Variants in OSBPL9 observed in about 807,000 individuals in gnomAD.
The protein encoded by OSBPL9 is oxysterol-binding protein-related protein 9.
In OSBPL9, 40 loss-of-function variants were observed where a neutral mutation model predicts 106.6. The ratio of observed to expected loss-of-function variants is 0.38; its 90% CI spans 0.29 to 0.49. OSBPL9 has a LOEUF of 0.49. Among genes scored for constraint, OSBPL9 ranks in the 20% least tolerant of loss-of-function variants. The pLI, the probability that OSBPL9 is intolerant of heterozygous loss-of-function variation, is 0.97. For synonymous variants in OSBPL9, 269 were observed against 295.4 expected (o/e 0.91, Z 0.92); for missense variants, 609 against 887.2 (o/e 0.69, Z 3.98).
At chr1:51,650,564 A>G (rs995707928) in intron 1 of OSBPL9, among the ~76,000 whole-genome samples, 1 of 152,200 alleles carries the variant, frequency 6.6e-6, no homozygotes, top group Non-Finnish European at 1.5e-5. Flanking sequence ...CCTGATATTT[A>G]TAGTTAGAAC....
chr1:51,752,139 C>G (rs1004473740), intron 8 of OSBPL9, among the ~76,000 whole-genome samples: 3 of 152,096 alleles, frequency 2.0e-5, no homozygotes, highest in Non-Finnish European at 4.4e-5. Context: ...AAACTACTTA[C>G]GTTCACTGCC....
chr1:51,728,415 G>A (rs933324608), intron 4 of OSBPL9, among the ~76,000 whole-genome samples: 3 of 152,172 alleles, frequency 2.0e-5, no homozygotes, highest in Non-Finnish European at 4.4e-5. Context: ...AATGGAGAGT[G>A]TATTTAGGAG....
chr1:51,625,392 G>A (rs1443241225), intron 1 of OSBPL9, among the ~76,000 whole-genome samples: 2 of 152,152 alleles, frequency 1.3e-5, no homozygotes, highest in Non-Finnish European at 2.9e-5. Flanking sequence ...ATCAAAACTA[G>A]AACAGTGTAC....
intron 3 of OSBPL9, among the ~76,000 whole-genome samples, chr1:51,687,741 C>T (rs1458095561): frequency 2.0e-5 from 3 of 152,202 alleles, no homozygotes; most frequent in African/African-American, 7.2e-5. Flanking sequence ...TTGAGTTGAG[C>T]TGGAACTAGA....
At position 51,716,120 on chromosome 1, in the gene OSBPL9, T is replaced by C. The variant is rs142203056; in HGVS notation, c.318+2041T>C. 2.6e-3 allele frequency among the ~76,000 whole-genome samples: 400 copies of C among 152,388 alleles called. 1 individual carries two copies. The highest frequency in any genetic ancestry group is 3.0e-3 in the Non-Finnish European group (207 of 68,042). On this transcript the variant is annotated intron_variant, in intron 4 of 23. Transcript: ENST00000428468. ...GGAATAATGGGCAGAAAAAGATAACTTTGAGAAGTCTTAGACTTCTAATAG... is the reference window on the plus strand; with the variant it reads ...GGAATAATGGGCAGAAAAAGATAACCTTGAGAAGTCTTAGACTTCTAATAG...
At chr1:51,646,044 AGT>A (rs1646133403) in intron 1 of OSBPL9, among the ~76,000 whole-genome samples, 1 of 152,218 alleles carries the variant, frequency 6.6e-6, no homozygotes, top group South Asian at 2.1e-4. Context: ...GGAATTGAGA[AGT>A]GTGAGTCCTC....
chr1:51,668,464 A>G (rs1304451560), intron 2 of OSBPL9, among the ~76,000 whole-genome samples: 1 of 152,038 alleles, frequency 6.6e-6, no homozygotes, highest in African/African-American at 2.4e-5. Context: ...TGTACTAAAA[A>G]TACAAAAGTT....
the OSBPL9 span, among the ~76,000 whole-genome samples, chr1:51,518,857 G>A: frequency 1.3e-5 from 2 of 151,796 alleles, no homozygotes; most frequent in Admixed American, 6.6e-5. Flanking sequence ...GAAACTTCCT[G>A]GGTAGGTGAA....
At chr1:51,629,134 T>C (rs1644951659) in intron 1 of OSBPL9, among the ~76,000 whole-genome samples, 1 of 152,186 alleles carries the variant, frequency 6.6e-6, no homozygotes, top group Non-Finnish European at 1.5e-5. Context: ...ATGTCACTGC[T>C]CAGAGAAGCC....
intron 1 of OSBPL9, among the ~76,000 whole-genome samples, chr1:51,647,367 A>AT (rs1157920380): frequency 6.6e-6 from 1 of 152,144 alleles, no homozygotes; most frequent in African/African-American, 2.4e-5. Context: ...TTAGAAACAG[A>AT]TACTGTTTTT....
chr1:51,614,000 CTG>C (rs1356577382), upstream of OSBPL9, among the ~76,000 whole-genome samples: 7 of 152,160 alleles, frequency 4.6e-5, no homozygotes, highest in African/African-American at 1.7e-4. Context: ...CCAGGCTGGT[CTG>C]TAACTCCTGG....
In OSBPL9 at chr1:51,765,850, T is replaced by C. The variant is rs763578154; in HGVS notation, c.807T>C (p.Ser269=). The part of the protein sequence containing the change: ...TGSGHSPPSS[S]LTSPSHVNLS... ...GTGGCCATTCACCACCGAGTAGCAG[T>C]CTCACTTCTCCAAGCCACGTGAACT... The change falls in exon 12 of 24, where the codon AGT becomes AGC. Residue 269 remains serine, a synonymous_variant. Coordinates refer to ENST00000428468, the MANE Select transcript of OSBPL9 (RefSeq NM_024586.6). 6.2e-7 allele frequency: 1 copy of C among 1,613,918 alleles called. No homozygotes were observed.
At chr1:51,752,802 A>G in intron 8 of OSBPL9, 1 of 269,844 alleles carries the variant, frequency 3.7e-6, no homozygotes, top group Non-Finnish European at 7.6e-6. Flanking sequence ...CAAGGACACT[A>G]ATCTTATTGA....
chr1:51,772,822 T>C, intron 14 of OSBPL9, 99 bp downstream of exon 14: 1 of 834,110 alleles, frequency 1.2e-6, no homozygotes, highest in Non-Finnish European at 2.1e-6. Flanking sequence ...ACATAATTTC[T>C]TTTTATACCT....
At chr1:51,615,455 T>C (rs374273774), upstream of OSBPL9, among the ~76,000 whole-genome samples, 4 of 148,470 alleles carry the variant, frequency 2.7e-5, no homozygotes, top group Admixed American at 1.3e-4. Flanking sequence ...CCTTTCTTTC[T>C]TTTTTTGTAT....
At chr1:51,742,331 G>A (rs1667109115) in intron 4 of OSBPL9, among the ~76,000 whole-genome samples, 1 of 152,170 alleles carries the variant, frequency 6.6e-6, no homozygotes, top group African/African-American at 2.4e-5. Flanking sequence ...GAAGTATGAA[G>A]TCACACTGTC....
At chr1:51,621,235 C>G (rs1428030496) in intron 1 of OSBPL9, among the ~76,000 whole-genome samples, 1 of 152,162 alleles carries the variant, frequency 6.6e-6, no homozygotes, top group Non-Finnish European at 1.5e-5. Flanking sequence ...GGCATGGTGG[C>G]TCACGCCTGT....
chr1:51,634,546 T>G (rs1189727326), intron 1 of OSBPL9, among the ~76,000 whole-genome samples: 1 of 152,138 alleles, frequency 6.6e-6, no homozygotes, highest in East Asian at 1.9e-4. Flanking sequence ...GTATACAAAT[T>G]TATTCACGTG....
the OSBPL9 span, among the ~76,000 whole-genome samples, chr1:51,525,233 T>A: frequency 1.3e-5 from 2 of 152,194 alleles, no homozygotes; most frequent in Non-Finnish European, 2.9e-5. Context: ...AATCATAAAC[T>A]AAGTCTAGTT....
Sources: allele counts gnomAD v4.1 joint callset (sites outside exome capture counted in the v4.1 genomes callset), GRCh38; gene constraint gnomAD v4.1.1; transcripts MANE v1.5; gene names NCBI Gene and HGNC (gene_info 2026-07-23, HGNC 2026-07-21).